The following ACR variants were observed in gnomAD, a reference collection of about 807,000 sequenced individuals.
ACR encodes acrosin light and heavy chain prepropeptide.
In ACR, 17 loss-of-function variants were observed where a neutral mutation model predicts 26.0. The ratio of observed to expected loss-of-function variants is 0.65; its 90% CI spans 0.45 to 0.98. The LOEUF is 0.98. Among genes scored for constraint, ACR ranks in the 50% least tolerant of loss-of-function variants. The pLI is 0.00. For synonymous variants in ACR, 199 were observed against 207.7 expected, an observed-to-expected ratio of 0.96 and a Z score of 0.36; for missense variants, 435 against 519.3, an observed-to-expected ratio of 0.84 and a Z score of 1.58.
At position 50,739,321 on chromosome 22, in the gene ACR, T is replaced by G. The variant is rs963837122; in HGVS notation, c.128T>G (p.Ile43Ser). 2.5e-6 allele frequency: 4 copies of G among 1,606,642 alleles called. No homozygotes were observed. Among genetic ancestry groups the G allele is most frequent in the Non-Finnish European group, 3.4e-6 (4 of 1,176,472 alleles). ...CAAAACCCACAGGGTGGTGTCCGCATCGTCGGCGGGAAGGCTGCACAGCAT... is the reference window on the plus strand; with the variant it reads ...CAAAACCCACAGGGTGGTGTCCGCAGCGTCGGCGGGAAGGCTGCACAGCAT... The part of the protein sequence containing the change: ...FRQNPQGGVR[I>S]VGGKAAQHGA... The change falls in exon 2 of 5, where the codon ATC becomes AGC. Residue 43 changes from isoleucine (I) to serine (S), a missense_variant. Around this residue, in one of 3 missense-constraint regions of ACR, gnomAD observed 314 missense variants for 372.0 expected, o/e 0.84. Transcript: ENST00000216139. This position sits in a 1 kb window ranked among gnomAD's most constrained non-coding sequence, Gnocchi z 5.5.
chr22:50,744,449 G>T, intron 4 of ACR: 1 of 806,084 alleles, frequency 1.2e-6, no homozygotes, highest in Non-Finnish European at 1.9e-6. Flanking sequence ...TCATCTCACT[G>T]CAAGGAAAGC....
chr22:50,739,974 A>G lies in ACR; in HGVS notation c.562A>G (p.Lys188Glu). ...WVAGWGYIEE[K>E]APRPSSILME... is the part of the protein sequence containing the mutation. Reference sequence around the variant, plus strand: ...GGCCGGCTGGGGATATATAGAAGAGAAAGGTGAGTATGGGAGCGCCTCCAA... The same window carrying G: ...GGCCGGCTGGGGATATATAGAAGAGGAAGGTGAGTATGGGAGCGCCTCCAA... The change falls in exon 3 of 5, where the codon AAA becomes GAA. Residue 188 changes from lysine to glutamate, a missense_variant. Lys to Glu is a moderately conservative substitution (Grantham distance 56, BLOSUM62 1). Transcript: ENST00000216139. The surrounding 1 kb of genome is among the most constrained non-coding windows in gnomAD (Gnocchi z 5.5). 1 of 1,613,298 alleles carries G rather than the reference A, an allele frequency of 6.2e-7. No individual in the cohort carries two copies.
chr22:50,742,272 C>T (rs928897940), intron 3 of ACR, among the ~76,000 whole-genome samples: 5 of 152,036 alleles, frequency 3.3e-5, no homozygotes, highest in South Asian at 2.1e-4. Context: ...TGGCCGGGCG[C>T]GGTGGCTCAC....
In ACR at chr22:50,739,777, A is replaced by G. The variant is rs1283266951; in HGVS notation, c.365A>G (p.Glu122Gly). ...AAACCAGTAAAGGCGCCTCTGCAAGAGAGATATGTGGAGAAAATCATCATT... is the reference window on the plus strand; with the variant it reads ...AAACCAGTAAAGGCGCCTCTGCAAGGGAGATATGTGGAGAAAATCATCATT... ...NNKPVKAPLQERYVEKIIIHE... is the reference protein window; with the variant it reads ...NNKPVKAPLQGRYVEKIIIHE... The change falls in exon 3 of 5, where the codon GAG (glutamate) becomes GGG (glycine). Residue 122 changes from glutamate (E) to glycine (G), a missense_variant. Coordinates refer to ENST00000216139, the MANE Select transcript of ACR (RefSeq NM_001097.3). The surrounding 1 kb of genome is among the most constrained non-coding windows in gnomAD (Gnocchi z 5.5). 1 of 1,599,308 alleles carries G rather than the reference A, an allele frequency of 6.3e-7. No individual in the cohort carries two copies. The highest frequency in any genetic ancestry group is 2.2e-5 in the East Asian group (1 of 44,772).
chr22:50,740,684 T>C lies in ACR; in HGVS notation c.565+707T>C, dbSNP rs1186037700. The C allele has an allele frequency of 5.7e-6, 4 of 702,410 alleles. No individual in the cohort carries two copies. In the African/African-American group the frequency reaches 7.0e-5, roughly 12 times the overall value. 43.5% of individuals were successfully genotyped at this position (702,410 alleles called of 1,614,324 possible). On this transcript the variant is annotated intron_variant, in intron 3 of 4. Transcript: ENST00000216139. ...ACGGGTGTAGCTGTCGCTCTAGAGC[T>C]CTGTCCATAACCAAGCTGTCTCTCT... is the stretch of plus-strand genomic sequence containing the variant.
intron 3 of ACR, among the ~76,000 whole-genome samples, chr22:50,743,746 A>C (rs2083436999): frequency 6.6e-6 from 1 of 152,130 alleles, no homozygotes; most frequent in African/African-American, 2.4e-5. Context: ...ACTAGGTGTT[A>C]TTGGTAATAC....
At chr22:50,738,454 C>T in intron 1 of ACR, 142 bp downstream of exon 1, 1 of 829,928 alleles carries the variant, frequency 1.2e-6, no homozygotes, top group Non-Finnish European at 1.9e-6. Context: ...AGCCTGGAGC[C>T]CCCAGACCCT....
At position 50,744,161 on chromosome 22, in the gene ACR, C is replaced by A. The variant is rs1393373084; in HGVS notation, c.666C>A (p.Thr222=). ...TQWYNGRVQP[T]NVCAGYPVGK... ...GGTACAATGGGCGCGTTCAGCCAAC[C>A]AATGTGTGCGCGGGGTATCCTGTAG... is the stretch of plus-strand genomic sequence containing the variant. Residue 222 remains threonine, a synonymous_variant, in exon 4 of 5, where the codon ACC becomes ACA. Transcript: ENST00000216139. 6.2e-7 allele frequency: 1 copy of A among 1,613,784 alleles called. No homozygotes were observed. Among genetic ancestry groups the A allele is most frequent in the African/African-American group, 1.3e-5 (1 of 74,874 alleles).
At chr22:50,743,042 C>CT (rs201174415) in intron 3 of ACR, among the ~76,000 whole-genome samples, 2,124 of 152,204 alleles carry the variant, frequency 0.014, 51 homozygotes, top group African/African-American at 0.045. Flanking sequence ...CGCTTTCTTT[C>CT]TTTTTTTGTT....
rs1230022380 is a variant in ACR at position 50,744,639 on chromosome 22, G to T, written c.712-14G>T. On this transcript the variant is annotated splice_polypyrimidine_tract_variant and intron_variant, in intron 4 of 4. Transcript: ENST00000216139. ...GGCTCAGGCAGATAGTGACCTCTGT[G>T]TCCTTCTGGACAGGGAGACAGCGGC... The T allele has an allele frequency of 3.1e-6, 5 of 1,608,968 alleles. No homozygotes were observed. In the East Asian group the frequency reaches 8.9e-5, roughly 29 times the overall value.
Position 50,740,806 on chromosome 22 carries a change from A to G in ACR, c.565+829A>G, listed in dbSNP as rs2083421914. ...GAAGAGTAGGGGGAATTTCTTCCGTACCAGACCAGGCTCACGGAGGGCCCC... is the reference window on the plus strand; with the variant it reads ...GAAGAGTAGGGGGAATTTCTTCCGTGCCAGACCAGGCTCACGGAGGGCCCC... On this transcript the variant is annotated intron_variant, in intron 3 of 4. Coordinates refer to ENST00000216139, the MANE Select transcript of ACR (RefSeq NM_001097.3). The G allele has an allele frequency of 4.4e-6, 3 of 682,168 alleles. No homozygotes were observed. In the South Asian group the frequency reaches 4.6e-5, roughly 10 times the overall value. 42.3% of individuals were successfully genotyped at this position (682,168 alleles called of 1,614,324 possible).
Position 50,739,569 on chromosome 22 carries a change from C to G in ACR, c.281+95C>G. 1.3e-6 allele frequency: 2 copies of G among 1,578,226 alleles called. No individual in the cohort carries two copies. The highest frequency in any genetic ancestry group is 1.3e-5 in the African/African-American group (1 of 74,470). ...TGCTGTGCAGCGTCTCCCTGGGGCTCTGGGCCAAGTGGCTGCAAGACTCCG... is the reference window on the plus strand; with the variant it reads ...TGCTGTGCAGCGTCTCCCTGGGGCTGTGGGCCAAGTGGCTGCAAGACTCCG... On this transcript the variant is annotated intron_variant, in intron 2 of 4. Coordinates refer to ENST00000216139, the MANE Select transcript of ACR (RefSeq NM_001097.3). The surrounding 1 kb of genome is among the most constrained non-coding windows in gnomAD (Gnocchi z 5.5).
At chr22:50,740,739 C>T (rs1209770853) in intron 3 of ACR, 12 of 702,324 alleles carry the variant, frequency 1.7e-5, no homozygotes, top group South Asian at 3.0e-5. Context: ...ATCTCTTGCC[C>T]ATCCAACACT....
Position 50,739,187 on chromosome 22 carries a change from T to C in ACR, c.78-84T>C, listed in dbSNP as rs1313860476. On this transcript the variant is annotated intron_variant, in intron 1 of 4. Coordinates refer to ENST00000216139, the MANE Select transcript of ACR (RefSeq NM_001097.3). This position sits in a 1 kb window ranked among gnomAD's most constrained non-coding sequence, Gnocchi z 5.5. ...CTCTTCCCCACTTTTCCCAACCCCA[T>C]GTCCCTGCCTCCCCTCAGTTGTGGA... The C allele has an allele frequency of 3.1e-6, 4 of 1,295,138 alleles. No individual in the cohort carries two copies. Among genetic ancestry groups the C allele is most frequent in the Non-Finnish European group, 3.2e-6 (3 of 924,046 alleles). 80.2% of individuals were successfully genotyped at this position (1,295,138 alleles called of 1,614,324 possible).
chr22:50,738,496 C>G (rs1393695148), intron 1 of ACR, among the ~76,000 whole-genome samples, 184 bp downstream of exon 1: 1 of 150,780 alleles, frequency 6.6e-6, no homozygotes, highest in African/African-American at 2.4e-5. Flanking sequence ...GAGATGGACC[C>G]CTCAGCACCT....
Position 50,744,908 on chromosome 22 carries a change from C to T in ACR, c.967C>T (p.His323Tyr). The change falls in exon 5 of 5, where the codon CAC (histidine) becomes TAC (tyrosine). Residue 323 changes from histidine to tyrosine, a missense_variant. Around this residue, in one of 3 missense-constraint regions of ACR, gnomAD observed 92 missense variants for 87.8 expected, o/e 1.05. Coordinates refer to ENST00000216139, the MANE Select transcript of ACR (RefSeq NM_001097.3). ...RPPFSHPISA[H>Y]LPWYFQPPPR... ...CCCCTTCTCCCACCCTATCTCTGCTCACCTTCCTTGGTATTTCCAACCGCC... is the reference window on the plus strand; with the variant it reads ...CCCCTTCTCCCACCCTATCTCTGCTTACCTTCCTTGGTATTTCCAACCGCC... The T allele has an allele frequency of 6.3e-7, 1 of 1,584,264 alleles. No individual in the cohort carries two copies. The highest frequency in any genetic ancestry group is 8.6e-7 in the Non-Finnish European group (1 of 1,168,452).
chr22:50,739,765 CG>C lies in ACR; in HGVS notation c.354del (p.Pro119LeufsTer67). The C allele has an allele frequency of 6.3e-7, 1 of 1,581,712 alleles. No homozygotes were observed. The highest frequency in any genetic ancestry group is 1.2e-5 in the South Asian group (1 of 85,592). The part of the protein sequence containing the change: ...ITYGNNKPVK[A>X]PLQERYVEKI... ...TATGGGAACAATAAACCAGTAAAGGCGCCTCTGCAAGAGAGATATGTGGAGA... is the reference window on the plus strand; with the variant it reads ...TATGGGAACAATAAACCAGTAAAGGCCCTCTGCAAGAGAGATATGTGGAGA... On this transcript the variant is annotated frameshift_variant, in exon 3 of 5. Coordinates refer to ENST00000216139, the MANE Select transcript of ACR (RefSeq NM_001097.3). LOFTEE classifies it high-confidence loss of function. The surrounding 1 kb of genome is among the most constrained non-coding windows in gnomAD (Gnocchi z 5.5).
chr22:50,740,573 G>A (rs1198814277), intron 3 of ACR: 9 of 702,244 alleles, frequency 1.3e-5, no homozygotes, highest in Admixed American at 8.0e-5. Context: ...GAAGGGGACC[G>A]GTGGTTGGTG....
At chr22:50,740,098 A>G in intron 3 of ACR, 121 bp downstream of exon 3, 1 of 1,267,356 alleles carries the variant, frequency 7.9e-7, no homozygotes, top group Non-Finnish European at 1.1e-6. Flanking sequence ...ACGGCGCTAC[A>G]CGTAGAGCCA....
Sources: allele counts gnomAD v4.1 joint callset (sites outside exome capture counted in the v4.1 genomes callset), GRCh38; gene constraint gnomAD v4.1.1; regional missense constraint gnomAD v4.1.1; non-coding constraint Gnocchi (gnomAD v3.1); transcripts MANE v1.5; gene names NCBI Gene and HGNC (gene_info 2026-07-23, HGNC 2026-07-21).